RAD51B: variants seen among roughly 807,000 people sequenced by gnomAD.
The protein encoded by RAD51B is DNA repair protein RAD51 homolog 2.
A neutral mutation model predicts 42.2 loss-of-function variants in RAD51B; 38 were observed. The observed-to-expected ratio is 0.90, with a 90% CI of 0.70 to 1.18. The LOEUF is 1.18. RAD51B is among the 50% of genes most tolerant of loss of function. The pLI, the probability that RAD51B is intolerant of heterozygous loss-of-function variation, is 0.00. For missense variants in RAD51B, 373 were observed against 400.7 expected, an observed-to-expected ratio of 0.93 and a Z score of 0.59; for synonymous variants, 154 against 145.2, an observed-to-expected ratio of 1.06 and a Z score of -0.43.
intron 11 of RAD51B, among the ~76,000 whole-genome samples, chr14:68,666,696 T>C (rs565349677): frequency 1.8e-4 from 27 of 152,372 alleles, no homozygotes; most frequent in African/African-American, 6.5e-4. Flanking sequence ...ATAGTGAAAC[T>C]CCCTTATTTA....
intron 9 of RAD51B, among the ~76,000 whole-genome samples, chr14:68,417,232 A>G (rs2140097740): frequency 6.6e-6 from 1 of 152,246 alleles, no homozygotes; most frequent in Admixed American, 6.5e-5. Flanking sequence ...TTTCTACTCC[A>G]GCTCACCTGC....
intron 7 of RAD51B, among the ~76,000 whole-genome samples, chr14:68,275,584 GGA>G: frequency 6.6e-6 from 1 of 152,226 alleles, no homozygotes; most frequent in African/African-American, 2.4e-5. Context: ...GGATACGCAT[GGA>G]TGACACACAG....
At position 68,580,272 on chromosome 14, in the gene RAD51B, G is replaced by A. The variant is rs529553880; in HGVS notation, c.1037-14213G>A. Among the ~76,000 whole-genome samples, 9 of 152,182 alleles carry A rather than the reference G, an allele frequency of 5.9e-5. 1 individual carries two copies. The East Asian group carries it at 7.7e-4, about 13-fold the overall frequency. Reference sequence around the variant, plus strand: ...GCCTGCCACTCTGCCCCACCTCTTCGCCTCCTGCTTGCCCTGCGGCCAGCT... The same window carrying A: ...GCCTGCCACTCTGCCCCACCTCTTCACCTCCTGCTTGCCCTGCGGCCAGCT... On this transcript the variant is annotated intron_variant, in intron 10 of 10. Coordinates refer to the RAD51B transcript ENST00000487270.
At chr14:68,227,175 T>A (rs1462447459) in intron 7 of RAD51B, among the ~76,000 whole-genome samples, 1 of 152,192 alleles carries the variant, frequency 6.6e-6, no homozygotes, top group East Asian at 1.9e-4. Context: ...CCTCCAAGGT[T>A]TGGAGTCACT....
rs4902531 is a variant in RAD51B, at chr14:67,887,435, C to T, written c.756+231C>T. Reference sequence around the variant, plus strand: ...AATTTGAGTCTGGAGTAGATTTAAACGATGTTTTTAAAAGTTCCTATAGTC... The same window carrying T: ...AATTTGAGTCTGGAGTAGATTTAAATGATGTTTTTAAAAGTTCCTATAGTC... On this transcript the variant is annotated intron_variant, in intron 7 of 10. Coordinates refer to ENST00000471583, the MANE Select transcript of RAD51B (RefSeq NM_133510.4). 13,808 of 357,608 alleles carry T rather than the reference C, an allele frequency of 0.039. 823 individuals are homozygous for T. The highest frequency in any genetic ancestry group is 0.18 in the African/African-American group (8,431 of 47,444). The allele number at this position is 357,608 out of a possible 1,614,324, so 22.2% of individuals were successfully genotyped here. A position where few individuals can be genotyped will look rare whatever the true frequency, so the allele number is the denominator to read the frequency against.
At chr14:68,297,638 G>A (rs1203605627) in intron 8 of RAD51B, among the ~76,000 whole-genome samples, 1 of 152,180 alleles carries the variant, frequency 6.6e-6, no homozygotes, top group Non-Finnish European at 1.5e-5. Flanking sequence ...GTGCAAGTTG[G>A]CTGTAATTAG....
chr14:68,333,905 C>G (rs1212663477), intron 8 of RAD51B, among the ~76,000 whole-genome samples: 6 of 152,070 alleles, frequency 3.9e-5, no homozygotes, highest in Non-Finnish European at 8.8e-5. Context: ...AATTGTGTAT[C>G]CTTTGACCAA....
intron 10 of RAD51B, among the ~76,000 whole-genome samples, chr14:68,491,243 C>G (rs1243649383): frequency 6.6e-6 from 1 of 152,190 alleles, no homozygotes; most frequent in Non-Finnish European, 1.5e-5. Context: ...CGCCCTTCCT[C>G]CTCCTTTCTG....
At chr14:68,588,266 C>A (rs543530793) in intron 10 of RAD51B, among the ~76,000 whole-genome samples, 4 of 152,314 alleles carry the variant, frequency 2.6e-5, no homozygotes, top group African/African-American at 7.2e-5. Context: ...TGAGGCTCGA[C>A]CTGGTACCAG....
intron 8 of RAD51B, among the ~76,000 whole-genome samples, chr14:68,362,813 C>T (rs2083057986): frequency 2.0e-5 from 3 of 151,536 alleles, no homozygotes; most frequent in African/African-American, 2.4e-5. Flanking sequence ...TGTGCCGCTG[C>T]ACTCCAGCCT....
At chr14:67,893,467 GACACACACACACACAC>G (rs756541648) in intron 7 of RAD51B, among the ~76,000 whole-genome samples, 61 of 111,298 alleles carry the variant, frequency 5.5e-4, no homozygotes, top group African/African-American at 2.3e-3. Context: ...CACAGACACA[GACACACACACACACAC>G]ACACACACAC....
chr14:68,001,121 A>G (rs2075474705), intron 7 of RAD51B, among the ~76,000 whole-genome samples: 1 of 152,096 alleles, frequency 6.6e-6, no homozygotes, highest in African/African-American at 2.4e-5. Context: ...TGTTTTTATT[A>G]TGTAATCCAA....
At chr14:68,091,774 A>G (rs1453693034) in intron 7 of RAD51B, among the ~76,000 whole-genome samples, 1 of 152,174 alleles carries the variant, frequency 6.6e-6, no homozygotes, top group Non-Finnish European at 1.5e-5. Flanking sequence ...GTCCTTGCCC[A>G]TGTCTGTGTC....
chr14:68,170,842 C>G (rs2078858052), intron 7 of RAD51B, among the ~76,000 whole-genome samples: 1 of 152,144 alleles, frequency 6.6e-6, no homozygotes, highest in South Asian at 2.1e-4. Flanking sequence ...AAAGGCTATA[C>G]AACTTTTTAT....
intron 3 of RAD51B, among the ~76,000 whole-genome samples, chr14:67,827,774 A>G (rs1418049283): frequency 2.0e-5 from 3 of 152,206 alleles, no homozygotes; most frequent in Non-Finnish European, 4.4e-5. Flanking sequence ...TTTGCTGAGG[A>G]TGATGGCTTC....
chr14:68,120,261 T>C (rs963206210), intron 7 of RAD51B, among the ~76,000 whole-genome samples: 3 of 152,090 alleles, frequency 2.0e-5, no homozygotes, highest in African/African-American at 7.2e-5. Context: ...TTCTCCTATT[T>C]TGTAGGTTGC....
intron 7 of RAD51B, among the ~76,000 whole-genome samples, chr14:68,177,579 A>C (rs895460510): frequency 6.6e-6 from 1 of 152,162 alleles, no homozygotes; most frequent in Admixed American, 6.5e-5. Flanking sequence ...AAAATATATA[A>C]AAGCAACTCT....
chr14:68,405,887 A>G (rs1159825306), intron 8 of RAD51B, among the ~76,000 whole-genome samples: 2 of 151,436 alleles, frequency 1.3e-5, no homozygotes, highest in African/African-American at 4.9e-5. Flanking sequence ...CTAATTATTC[A>G]CATGTAGCTT....
intron 11 of RAD51B, among the ~76,000 whole-genome samples, chr14:68,655,332 A>C (rs1413988688): frequency 6.6e-6 from 1 of 151,968 alleles, no homozygotes; most frequent in East Asian, 1.9e-4. Flanking sequence ...TATACTTTCC[A>C]GCACATTTAG....
Sources: gnomAD v4.1 joint callset for allele counts (sites outside exome capture counted in the v4.1 genomes callset) on GRCh38, gnomAD v4.1.1 for gene constraint, MANE v1.5 for transcripts, NCBI Gene and HGNC (gene_info 2026-07-23, HGNC 2026-07-21) for gene names.